LRRC4C: variants seen among roughly 807,000 people sequenced by gnomAD.
The protein encoded by LRRC4C is leucine-rich repeat-containing protein 4C.
LRRC4C carries 5 observed loss-of-function variants against 33.6 expected under a neutral mutation model. The observed-to-expected ratio is 0.15, with a 90% CI of 0.08 to 0.31. The LOEUF is 0.31. LRRC4C is among the 10% of genes least tolerant of loss of function. The pLI, the probability that LRRC4C is intolerant of heterozygous loss-of-function variation, is 1.00. For synonymous variants in LRRC4C, 329 were observed against 302.0 expected, an observed-to-expected ratio of 1.09 and a Z score of -0.93; for missense variants, 560 against 796.7, an observed-to-expected ratio of 0.70 and a Z score of 3.58.
intron 3 of LRRC4C, among the ~76,000 whole-genome samples, chr11:40,615,053 G>T (rs997301618): frequency 1.3e-5 from 2 of 151,418 alleles, no homozygotes; most frequent in Non-Finnish European, 3.0e-5. Flanking sequence ...CTTGCCTTAT[G>T]CAGGGTTACC....
At chr11:41,335,106 G>A (rs905185815) in intron 1 of LRRC4C, among the ~76,000 whole-genome samples, 2 of 152,118 alleles carry the variant, frequency 1.3e-5, no homozygotes, top group African/African-American at 4.8e-5. Flanking sequence ...ATCTTCAAAT[G>A]CAGCCACACC....
intron 1 of LRRC4C, among the ~76,000 whole-genome samples, chr11:40,945,545 A>T (rs1958359691): frequency 6.6e-6 from 1 of 152,108 alleles, no homozygotes; most frequent in African/African-American, 2.4e-5. Context: ...AGTCCTTACA[A>T]CTCCAATTTC....
chr11:40,970,909 A>G (rs1851683184), intron 1 of LRRC4C, among the ~76,000 whole-genome samples: 1 of 152,220 alleles, frequency 6.6e-6, no homozygotes, highest in South Asian at 2.1e-4. Context: ...GTGATGATTC[A>G]GGGTATCCGG....
intron 2 of LRRC4C, among the ~76,000 whole-genome samples, chr11:40,760,594 C>G (rs932549576): frequency 2.2e-4 from 33 of 151,386 alleles, no homozygotes; most frequent in African/African-American, 7.3e-4. Flanking sequence ...TAGGATTGTC[C>G]ATGGAATAAA....
At chr11:41,083,186 C>T (rs1939706764) in intron 1 of LRRC4C, among the ~76,000 whole-genome samples, 1 of 151,946 alleles carries the variant, frequency 6.6e-6, no homozygotes, top group South Asian at 2.1e-4. Flanking sequence ...CAAAATATGA[C>T]CATGAATTTT....
At chr11:40,621,601 G>A (rs1377088911) in intron 3 of LRRC4C, among the ~76,000 whole-genome samples, 1 of 151,748 alleles carries the variant, frequency 6.6e-6, no homozygotes, top group South Asian at 2.1e-4. Context: ...TTCCACAGGT[G>A]AGGTAATGAT....
At chr11:40,401,403 G>T (rs1418259604) in intron 3 of LRRC4C, among the ~76,000 whole-genome samples, 1 of 152,026 alleles carries the variant, frequency 6.6e-6, no homozygotes, top group Non-Finnish European at 1.5e-5. Context: ...TCACTAATAG[G>T]TTTACAGGAT....
intron 1 of LRRC4C, among the ~76,000 whole-genome samples, chr11:41,100,766 G>A (rs1489217411): frequency 6.6e-6 from 1 of 152,086 alleles, no homozygotes; most frequent in Non-Finnish European, 1.5e-5. Flanking sequence ...AAAGCTGGAG[G>A]TGTCATGCTA....
At chr11:41,389,639 C>CAAGAAAAAAAAAAAAAAA (rs1953505468) in intron 1 of LRRC4C, among the ~76,000 whole-genome samples, 1 of 80,972 alleles carries the variant, frequency 1.2e-5, no homozygotes, top group Non-Finnish European at 2.2e-5. Context: ...CAGTGAGCAG[C>CAAGAAAAAAAAAAAAAAA]AAAAAAAAAA....
chr11:41,380,252 C>T (rs1454744480), intron 1 of LRRC4C, among the ~76,000 whole-genome samples: 1 of 152,224 alleles, frequency 6.6e-6, no homozygotes, highest in East Asian at 1.9e-4. Flanking sequence ...TTGACAGTAA[C>T]ATATTACATC....
At chr11:41,291,135 T>C (rs897704403) in intron 1 of LRRC4C, among the ~76,000 whole-genome samples, 1 of 152,216 alleles carries the variant, frequency 6.6e-6, no homozygotes, top group African/African-American at 2.4e-5. Context: ...AAAGTATAAC[T>C]TTTAAAACAT....
intron 2 of LRRC4C, among the ~76,000 whole-genome samples, chr11:40,851,987 C>CT (rs1953527658): frequency 6.6e-6 from 1 of 151,994 alleles, no homozygotes; most frequent in Admixed American, 6.6e-5. Flanking sequence ...TACTTTCGTA[C>CT]TTTTTAAAAA....
At chr11:40,623,153 G>C (rs1201285414) in intron 3 of LRRC4C, among the ~76,000 whole-genome samples, 1 of 151,260 alleles carries the variant, frequency 6.6e-6, no homozygotes, top group African/African-American at 2.4e-5. Context: ...TCAAATCTCT[G>C]TTTTTTTCAT....
intron 3 of LRRC4C, among the ~76,000 whole-genome samples, chr11:40,354,329 ACTGCCAGGCTC>A (rs58362190): frequency 0.16 from 24,303 of 151,962 alleles, 2,256 homozygotes; most frequent in East Asian, 0.3. Context: ...TCTGGCAACC[ACTGCCAGGCTC>A]CTGCCAGTGT....
At chr11:40,703,512 G>T (rs1323012285) in intron 2 of LRRC4C, among the ~76,000 whole-genome samples, 1 of 152,148 alleles carries the variant, frequency 6.6e-6, no homozygotes, top group Non-Finnish European at 1.5e-5. Context: ...CCTGGAGGTT[G>T]ATGGCAGCAC....
intron 1 of LRRC4C, among the ~76,000 whole-genome samples, chr11:41,147,841 A>T (rs1479561839): frequency 6.6e-6 from 1 of 152,076 alleles, no homozygotes; most frequent in South Asian, 2.1e-4. Flanking sequence ...TGTAATCCCA[A>T]TACTTTGGGA....
intron 1 of LRRC4C, among the ~76,000 whole-genome samples, chr11:41,030,797 T>C (rs1386750765): frequency 1.3e-5 from 2 of 151,742 alleles, no homozygotes; most frequent in African/African-American, 4.8e-5. Context: ...GGCACTGTTA[T>C]ACACACACAT....
At chr11:41,342,126 G>A (rs1951661055) in intron 1 of LRRC4C, among the ~76,000 whole-genome samples, 1 of 151,406 alleles carries the variant, frequency 6.6e-6, no homozygotes, top group Non-Finnish European at 1.5e-5. Context: ...TATTAACACA[G>A]TTACCTCCAC....
At chr11:40,636,278 A>T (rs10837453) in intron 3 of LRRC4C, among the ~76,000 whole-genome samples, 23,947 of 152,154 alleles carry the variant, frequency 0.16, 1,935 homozygotes, top group Non-Finnish European at 0.18. Context: ...ACATGGAGCA[A>T]TTGAAGACAA....
Sources: gnomAD v4.1 joint callset for allele counts (sites outside exome capture counted in the v4.1 genomes callset) on GRCh38, gnomAD v4.1.1 for gene constraint, MANE v1.5 for transcripts, NCBI Gene and HGNC (gene_info 2026-07-23, HGNC 2026-07-21) for gene names.